Variants in BANK1 observed in about 807,000 individuals in gnomAD.
The protein encoded by BANK1 is B cell scaffold protein with ankyrin repeats 1, also known as B-cell scaffold protein with ankyrin repeats.
BANK1 carries 95 observed loss-of-function variants against 94.5 expected under a neutral mutation model. The ratio of observed to expected loss-of-function variants is 1.00; its 90% confidence interval spans 0.85 to 1.19. BANK1 has a LOEUF of 1.19. Among genes scored for constraint, BANK1 ranks in the 50% most tolerant of loss-of-function variants. BANK1 has a pLI of 0.00. For synonymous variants in BANK1, 334 were observed against 308.4 expected (o/e 1.08, Z -0.87); for missense variants, 987 against 932.2 (o/e 1.06, Z -0.77).
At chr4:102,038,974 T>G (rs1430813602) in intron 10 of BANK1, among the ~76,000 whole-genome samples, 1 of 152,154 alleles carries the variant, frequency 6.6e-6, no homozygotes, top group Non-Finnish European at 1.5e-5. Flanking sequence ...GAATTAGAAT[T>G]TTTACGCCAT....
At chr4:101,911,286 G>T (rs1479158697) in intron 6 of BANK1, among the ~76,000 whole-genome samples, 1 of 152,006 alleles carries the variant, frequency 6.6e-6, no homozygotes, top group Middle Eastern at 3.2e-3. Flanking sequence ...AACTTTACAG[G>T]GCAGATTATC....
chr4:101,975,054 G>A (rs1394420599), intron 7 of BANK1, among the ~76,000 whole-genome samples: 1 of 152,100 alleles, frequency 6.6e-6, no homozygotes, highest in South Asian at 2.1e-4. Flanking sequence ...CTTAACAAAA[G>A]AGAGAGAGGG....
chr4:102,001,367 C>T (rs1265422815), intron 7 of BANK1, among the ~76,000 whole-genome samples: 2 of 152,110 alleles, frequency 1.3e-5, no homozygotes, highest in South Asian at 4.1e-4. Context: ...TTTGGGAGGC[C>T]GAGATGGGCG....
chr4:101,878,964 G>A (rs1728584051), intron 5 of BANK1, among the ~76,000 whole-genome samples: 1 of 150,654 alleles, frequency 6.6e-6, no homozygotes, highest in Non-Finnish European at 1.5e-5. Context: ...TACTAAGAGG[G>A]AAGTTTATAT....
intron 6 of BANK1, among the ~76,000 whole-genome samples, chr4:101,901,826 T>A (rs781454807): frequency 2.0e-5 from 3 of 151,954 alleles, no homozygotes; most frequent in Non-Finnish European, 4.4e-5. Flanking sequence ...AGTGGTGCAA[T>A]CTCAGCTCAC....
At chr4:101,958,592 T>C (rs1461929129) in intron 7 of BANK1, among the ~76,000 whole-genome samples, 1 of 152,046 alleles carries the variant, frequency 6.6e-6, no homozygotes, top group Non-Finnish European at 1.5e-5. Flanking sequence ...ACATACTTCA[T>C]CATTTCCTTA....
intron 7 of BANK1, among the ~76,000 whole-genome samples, chr4:101,962,874 C>T (rs943881193): frequency 2.0e-5 from 3 of 149,730 alleles, no homozygotes; most frequent in Non-Finnish European, 2.9e-5. Context: ...AAAAGCAATG[C>T]TACAATTAGG....
intron 7 of BANK1, among the ~76,000 whole-genome samples, chr4:101,986,630 C>T (rs1725489159): frequency 1.3e-5 from 2 of 151,284 alleles, no homozygotes; most frequent in African/African-American, 2.4e-5. Flanking sequence ...GCTCTCATGC[C>T]ATACTCTGAA....
intron 6 of BANK1, among the ~76,000 whole-genome samples, chr4:101,901,765 T>C (rs1362080674): frequency 6.6e-6 from 1 of 150,510 alleles, no homozygotes; most frequent in Admixed American, 6.6e-5. Flanking sequence ...GTTTTTTTGT[T>C]TTTGTTTTTT....
intron 7 of BANK1, among the ~76,000 whole-genome samples, chr4:101,959,989 C>G (rs573014294): frequency 6.6e-5 from 10 of 152,252 alleles, no homozygotes; most frequent in African/African-American, 2.4e-4. Flanking sequence ...GACCCATTTA[C>G]GTTAGAACAA....
chr4:102,019,315 TA>T (rs1258544236), intron 7 of BANK1, among the ~76,000 whole-genome samples: 3 of 152,146 alleles, frequency 2.0e-5, no homozygotes, highest in Non-Finnish European at 4.4e-5. Context: ...AATGAATGAA[TA>T]AAAGAAACAT....
At chr4:101,974,509 C>G (rs1233005169) in intron 7 of BANK1, among the ~76,000 whole-genome samples, 1 of 152,122 alleles carries the variant, frequency 6.6e-6, no homozygotes, top group East Asian at 1.9e-4. Flanking sequence ...AGATTGCCAG[C>G]AATGGACTGA....
At chr4:101,923,363 ATGTG>A (rs146011702) in intron 7 of BANK1, among the ~76,000 whole-genome samples, 3 of 150,872 alleles carry the variant, frequency 2.0e-5, no homozygotes, top group African/African-American at 7.3e-5. Context: ...ATATATATAT[ATGTG>A]TGTGTGTGTG....
intron 2 of BANK1, among the ~76,000 whole-genome samples, chr4:101,848,639 A>G (rs1578354636): frequency 6.6e-6 from 1 of 152,256 alleles, no homozygotes; most frequent in South Asian, 2.1e-4. Flanking sequence ...CATGCAGTTT[A>G]AAGTGAAGAG....
intron 4 of BANK1, among the ~76,000 whole-genome samples, chr4:101,868,225 A>G (rs531027165): frequency 2.0e-5 from 3 of 152,144 alleles, no homozygotes; most frequent in African/African-American, 7.2e-5. Flanking sequence ...GAGAAAATGA[A>G]GCACAAGAAA....
chr4:101,890,299 T>C (rs1391316879), intron 5 of BANK1, among the ~76,000 whole-genome samples: 2 of 152,128 alleles, frequency 1.3e-5, no homozygotes, highest in Non-Finnish European at 2.9e-5. Context: ...TGTCTGTTTC[T>C]CCTTTCAGTT....
At chr4:102,004,840 T>C (rs1474864364) in intron 7 of BANK1, among the ~76,000 whole-genome samples, 1 of 152,152 alleles carries the variant, frequency 6.6e-6, no homozygotes, top group Non-Finnish European at 1.5e-5. Flanking sequence ...GTGCCTTTTG[T>C]CAGGTATGAG....
At chr4:101,940,911 C>T (rs961565518) in intron 7 of BANK1, among the ~76,000 whole-genome samples, 12 of 151,654 alleles carry the variant, frequency 7.9e-5, no homozygotes, top group Admixed American at 7.2e-4. Context: ...TTTGGAAGGA[C>T]GTCACTAAGC....
intron 7 of BANK1, among the ~76,000 whole-genome samples, chr4:101,979,989 T>G (rs755424852): frequency 1.3e-5 from 2 of 151,920 alleles, no homozygotes; most frequent in African/African-American, 2.4e-5. Flanking sequence ...ATTTTGTGGT[T>G]GTTTTGTTGA....
Sources: allele counts gnomAD v4.1 joint callset (sites outside exome capture counted in the v4.1 genomes callset), GRCh38; gene constraint gnomAD v4.1.1; transcripts MANE v1.5; gene names NCBI Gene and HGNC (gene_info 2026-07-23, HGNC 2026-07-21).